The following GRIK2 variants were observed in gnomAD, a reference collection of about 807,000 sequenced individuals.
GRIK2 encodes the protein glutamate receptor ionotropic, kainate 2.
In GRIK2, 32 loss-of-function variants were observed where a neutral mutation model predicts 100.3. The observed-to-expected ratio is 0.32, with a 90% CI of 0.24 to 0.43. The LOEUF (loss-of-function observed/expected upper bound fraction) is 0.43. Among genes scored for constraint, GRIK2 ranks in the 20% least tolerant of loss-of-function variants. The probability of loss-of-function intolerance (pLI) is 1.00; values close to 1 mark genes in which losing one functional copy is unlikely to be tolerated. For missense variants in GRIK2, 843 were observed against 1,114.9 expected, an observed-to-expected ratio of 0.76 and a Z score of 3.47; for synonymous variants, 417 against 389.4, an observed-to-expected ratio of 1.07 and a Z score of -0.83.
At chr6:101,499,804 G>A (rs1224071790) in intron 2 of GRIK2, among the ~76,000 whole-genome samples, 1 of 152,080 alleles carries the variant, frequency 6.6e-6, no homozygotes, top group African/African-American at 2.4e-5. Flanking sequence ...AGATCCATTA[G>A]GGTGGGGACC....
At chr6:101,600,466 C>T (rs148343199) in intron 2 of GRIK2, among the ~76,000 whole-genome samples, 16 of 151,940 alleles carry the variant, frequency 1.1e-4, no homozygotes, top group Non-Finnish European at 1.8e-4. Flanking sequence ...AAAGGAATAG[C>T]ACTGAATCTG....
At chr6:101,649,346 T>C (rs532283093) in intron 4 of GRIK2, among the ~76,000 whole-genome samples, 3 of 152,250 alleles carry the variant, frequency 2.0e-5, no homozygotes, top group South Asian at 4.1e-4. Context: ...AAAGAAGTTA[T>C]GCAACGTGCC....
chr6:101,620,364 A>G (rs1305758224), intron 2 of GRIK2: 1 of 159,886 alleles, frequency 6.3e-6, no homozygotes. Context: ...TCACAAGTTG[A>G]TTGTTTTAGT....
chr6:101,860,790 G>A (rs1784691137), intron 11 of GRIK2: 1 of 162,752 alleles, frequency 6.1e-6, no homozygotes, highest in Admixed American at 6.5e-5. Context: ...TCCTGTCATG[G>A]CTGAGAATAC....
intron 2 of GRIK2, among the ~76,000 whole-genome samples, chr6:101,519,879 A>G (rs1332615985): frequency 6.6e-6 from 1 of 152,160 alleles, no homozygotes; most frequent in Non-Finnish European, 1.5e-5. Flanking sequence ...GGTAGGATAC[A>G]TACAGAGAAG....
intron 7 of GRIK2, among the ~76,000 whole-genome samples, chr6:101,720,064 A>G (rs1237763913): frequency 2.0e-5 from 3 of 151,856 alleles, no homozygotes; most frequent in African/African-American, 7.3e-5. Flanking sequence ...TGTTTATTGA[A>G]TGTTCATTGT....
intron 2 of GRIK2, among the ~76,000 whole-genome samples, chr6:101,520,702 A>G (rs1454624960): frequency 6.6e-6 from 1 of 152,128 alleles, no homozygotes; most frequent in East Asian, 1.9e-4. Flanking sequence ...TTTTAAAACT[A>G]CAAACAAAAG....
intron 2 of GRIK2, among the ~76,000 whole-genome samples, chr6:101,538,141 C>T (rs1036150388): frequency 3.3e-5 from 5 of 151,686 alleles, no homozygotes; most frequent in African/African-American, 9.7e-5. Context: ...CTGTAAAGTA[C>T]ACCAGTGGCT....
intron 2 of GRIK2, among the ~76,000 whole-genome samples, chr6:101,534,127 A>G (rs1582659977): frequency 8.9e-6 from 1 of 112,742 alleles, no homozygotes; most frequent in East Asian, 2.2e-4. Flanking sequence ...TTTGTGATAC[A>G]CATAGTTTTA....
At chr6:101,434,022 A>G (rs1769573712) in intron 2 of GRIK2, among the ~76,000 whole-genome samples, 1 of 152,222 alleles carries the variant, frequency 6.6e-6, no homozygotes, top group African/African-American at 2.4e-5. Context: ...CCCAAATTTT[A>G]CTGTAGCCCG....
chr6:102,005,319 A>G (rs1438179633), intron 14 of GRIK2, among the ~76,000 whole-genome samples: 1 of 152,098 alleles, frequency 6.6e-6, no homozygotes, highest in East Asian at 1.9e-4. Flanking sequence ...AGATTAATAT[A>G]TAATCTATAA....
intron 8 of GRIK2, 117 bp from the exon 9 acceptor site, chr6:101,802,214 A>T (rs1780715251): frequency 2.4e-6 from 1 of 414,324 alleles, no homozygotes; most frequent in Non-Finnish European, 4.3e-6. Context: ...AAATATTTTA[A>T]AAATCTCTAG....
intron 14 of GRIK2, among the ~76,000 whole-genome samples, chr6:102,020,069 G>C (rs949297525): frequency 6.6e-6 from 1 of 151,946 alleles, no homozygotes; most frequent in African/African-American, 2.4e-5. Context: ...ACTATATTGT[G>C]TAGAAATAAT....
At position 101,676,297 on chromosome 6, in the gene GRIK2, CAT is replaced by C. The variant is rs1465265655; in HGVS notation, c.542-325_542-324del. Among the ~76,000 whole-genome samples, 3 of 152,146 alleles carry C rather than the reference CAT, an allele frequency of 2.0e-5. No homozygotes were observed. The East Asian group carries it at 5.8e-4, about 29-fold the overall frequency. ...TAAGTTATTTATATTAACTTTTAGT[CAT>C]GTGTTTCTTTTATAACTTGAAAAAT... is the stretch of plus-strand genomic sequence containing the variant. On this transcript the variant is annotated intron_variant, in intron 4 of 16. Transcript: ENST00000369134.
At position 101,637,863 on chromosome 6, in the gene GRIK2, T is replaced by C. The variant is rs563206213; in HGVS notation, c.541+11226T>C. ...GCATGCTATGCTGTCTCAATCTCTT[T>C]GCTGTGCACAAGTTGTCCTCTCTGC... On this transcript the variant is annotated intron_variant, in intron 4 of 16. Transcript: ENST00000369134. Among the ~76,000 whole-genome samples, 121 of 152,270 alleles carry C rather than the reference T, an allele frequency of 7.9e-4. 1 individual carries two copies. Among genetic ancestry groups the C allele is most frequent in the Non-Finnish European group, 1.5e-5 (1 of 68,034 alleles).
At chr6:101,791,374 T>G (rs550592358) in intron 7 of GRIK2, among the ~76,000 whole-genome samples, 99 of 152,336 alleles carry the variant, frequency 6.5e-4, no homozygotes, top group South Asian at 3.1e-3. Context: ...TACACACTGC[T>G]TTGAATGTGT....
intron 14 of GRIK2, among the ~76,000 whole-genome samples, chr6:101,936,241 TG>T (rs1013482584): frequency 1.3e-5 from 2 of 152,040 alleles, no homozygotes; most frequent in African/African-American, 4.8e-5. Flanking sequence ...TCTAGAAGTC[TG>T]GAAGAAATAT....
At position 101,481,413 on chromosome 6, in the gene GRIK2, T is replaced by A. The variant is rs1030583106; in HGVS notation, c.115+82021T>A. Among the ~76,000 whole-genome samples, 10 of 152,218 alleles carry A rather than the reference T, an allele frequency of 6.6e-5. 1 individual carries two copies. The highest frequency in any genetic ancestry group is 4.6e-4 in the Admixed American group (7 of 15,272). ...TCTACATGTGGAAGTGTGGAGTGTA[T>A]CCATGGAAATATAGAAGTAATGCTC... On this transcript the variant is annotated intron_variant, in intron 2 of 16. Transcript: ENST00000369134.
chr6:102,033,106 A>G (rs1486536475), intron 14 of GRIK2, among the ~76,000 whole-genome samples: 2 of 151,312 alleles, frequency 1.3e-5, no homozygotes, highest in Non-Finnish European at 3.0e-5. Context: ...TAAAAGGGGT[A>G]CAAAAATACC....
Sources: allele counts gnomAD v4.1 joint callset (sites outside exome capture counted in the v4.1 genomes callset), GRCh38; gene constraint gnomAD v4.1.1; transcripts MANE v1.5; gene names NCBI Gene and HGNC (gene_info 2026-07-23, HGNC 2026-07-21).